The following FLG2 variants were observed in gnomAD, a reference collection of about 807,000 sequenced individuals.
FLG2 encodes the protein filaggrin 2.
Under a neutral mutation model 3.9 loss-of-function variants are expected in FLG2, and 7 were observed. That is an observed-to-expected ratio of 1.79 (90% CI 1.02 to 3.36). FLG2 has a LOEUF of 3.36. FLG2 is among the 30% of genes most tolerant of loss of function. FLG2 has a pLI of 0.00. For synonymous variants in FLG2, 1,031 were observed against 1,056.1 expected, an observed-to-expected ratio of 0.98 and a Z score of 0.46; for missense variants, 2,700 against 2,809.4, an observed-to-expected ratio of 0.96 and a Z score of 0.88.
In FLG2 at chr1:152,353,806, G is replaced by A; in HGVS notation, c.3980C>T (p.Ser1327Phe). Residue 1327 changes from serine (S) to phenylalanine (F), a missense_variant, in exon 3 of 3, where the codon TCT becomes TTT. By Grantham distance (155) the Ser-to-Phe change is radical. Coordinates refer to ENST00000388718, the MANE Select transcript of FLG2 (RefSeq NM_001014342.3). ...TGTCTGTGTAGACTGTCCATGACCA[G>A]AATGGCCATGTCTAGTGGTATCTCC... ...QRGDTTRHGH[S>F]GHGQSTQTGS... 1.2e-6 allele frequency: 2 copies of A among 1,613,352 alleles called. No individual in the cohort carries two copies. The highest frequency in any genetic ancestry group is 1.7e-6 in the Non-Finnish European group (2 of 1,179,592).
rs751894805 is a variant in FLG2, at chr1:152,353,717, A to C, written c.4069T>G (p.Ser1357Ala). The C allele has an allele frequency of 6.2e-6, 10 of 1,614,102 alleles. No homozygotes were observed. In the East Asian group the frequency reaches 2.2e-4, roughly 36 times the overall value. ...HSDATDSEVH[S>A]GVSHRPHSQE... ...GAGTGTGGTCTATGTGAGACCCCTG[A>C]GTGCACTTCACTGTCAGTGGCATCA... The change falls in exon 3 of 3, where the codon TCA (serine) becomes GCA (alanine). Residue 1357 changes from serine (S) to alanine (A), a missense_variant. Coordinates refer to ENST00000388718, the MANE Select transcript of FLG2 (RefSeq NM_001014342.3).
chr1:152,354,153 G>A lies in FLG2; in HGVS notation c.3633C>T (p.Gly1211=). 1 of 1,614,236 alleles carries A rather than the reference G, an allele frequency of 6.2e-7. No individual in the cohort carries two copies. Residue 1211 remains glycine, a synonymous_variant, in exon 3 of 3, where the codon GGC becomes GGT. Transcript: ENST00000388718. ...QSTGFGQYGS[G]SGQSTGLGQG... is the part of the protein sequence containing the mutation. Reference sequence around the variant, plus strand: ...GGCCCAAGCCAGTTGATTGACCTGAGCCTGAACCATATTGGCCAAATCCAG... The same window carrying A: ...GGCCCAAGCCAGTTGATTGACCTGAACCTGAACCATATTGGCCAAATCCAG...
In FLG2 at chr1:152,356,332, C is replaced by A. The variant is rs1654230443; in HGVS notation, c.1454G>T (p.Gly485Val). The change falls in exon 3 of 3, where the codon GGC becomes GTC. Residue 485 changes from glycine to valine, a missense_variant. Transcript: ENST00000388718. ...TCCAAAGCCAGAGGACTGACCTGAGCCAGACCCATGTTGTCCAAAGCCAGA... is the reference window on the plus strand; with the variant it reads ...TCCAAAGCCAGAGGACTGACCTGAGACAGACCCATGTTGTCCAAAGCCAGA... ...KTSGFGQHGS[G>V]SGQSSGFGQC... The A allele has an allele frequency of 6.2e-7, 1 of 1,614,200 alleles. No individual in the cohort carries two copies. The highest frequency in any genetic ancestry group is 8.5e-7 in the Non-Finnish European group (1 of 1,180,034).
rs79507400 is a variant in FLG2 at position 152,349,774 on chromosome 1, G to A, written c.*836C>T. The A allele has an allele frequency of 9.2e-3, 1,407 of 152,714 alleles. 57 individuals carry two copies. Among genetic ancestry groups the A allele is most frequent in the East Asian group, 0.088 (454 of 5,168 alleles). 9.5% of individuals were successfully genotyped at this position (152,714 alleles called of 1,614,324 possible). On this transcript the variant is annotated 3_prime_UTR_variant, in exon 3 of 3. Transcript: ENST00000388718. ...CTGTTCTTTCCTTTGTATGGTAACC[G>A]CTGGCCTCAGAGCCTCTTTGTTTTT...
Position 152,357,389 on chromosome 1 carries a change from T to C in FLG2, c.397A>G (p.Ser133Gly), listed in dbSNP as rs1336090540. 7 of 1,614,048 alleles carry C rather than the reference T, an allele frequency of 4.3e-6. No homozygotes were observed. The highest frequency in any genetic ancestry group is 5.9e-6 in the Non-Finnish European group (7 of 1,180,044). ...PGHKSGYRHS[S>G]WSEGEEHGYS... ...CCATGCTCCTCTCCCTCACTCCAACTTGAATGTCTGTAACCTGATTTATGT... is the reference window on the plus strand; with the variant it reads ...CCATGCTCCTCTCCCTCACTCCAACCTGAATGTCTGTAACCTGATTTATGT... Residue 133 changes from serine (S) to glycine (G), a missense_variant, in exon 3 of 3, where the codon AGT becomes GGT. Ser to Gly is a moderately conservative substitution (Grantham distance 56). Coordinates refer to ENST00000388718, the MANE Select transcript of FLG2 (RefSeq NM_001014342.3).
Position 152,357,256 on chromosome 1 carries a change from G to A in FLG2, c.530C>T (p.Ser177Phe), listed in dbSNP as rs757559187. Residue 177 changes from serine (S) to phenylalanine (F), a missense_variant, in exon 3 of 3, where the codon TCT (serine) becomes TTT (phenylalanine). Transcript: ENST00000388718. ...GCTGGACCTGTGGTATCTTTTCTGAGATCCCTCTTGGTTCCCAGAGCTGGA... is the reference window on the plus strand; with the variant it reads ...GCTGGACCTGTGGTATCTTTTCTGAAATCCCTCTTGGTTCCCAGAGCTGGA... ...NLSSSGNQEG[S>F]QKRYHRSSCG... 7.4e-6 allele frequency: 12 copies of A among 1,614,020 alleles called. No homozygotes were observed. In the East Asian group the frequency reaches 2.7e-4, roughly 36 times the overall value.
chr1:152,357,243 G>A lies in FLG2; in HGVS notation c.543C>T (p.Tyr181=), dbSNP rs1222971138. Residue 181 remains tyrosine (Y), a synonymous_variant, in exon 3 of 3, where the codon TAC becomes TAT. Transcript: ENST00000388718. ...ATGAATGACCACAGCTGGACCTGTG[G>A]TATCTTTTCTGAGATCCCTCTTGGT... is the stretch of plus-strand genomic sequence containing the variant. ...SGNQEGSQKR[Y]HRSSCGHSWS... is the part of the protein sequence containing the mutation. The A allele has an allele frequency of 6.2e-7, 1 of 1,614,168 alleles. No individual in the cohort carries two copies.
At position 152,354,860 on chromosome 1, in the gene FLG2, G is replaced by T; in HGVS notation, c.2926C>A (p.Gln976Lys). The change falls in exon 3 of 3, where the codon CAA becomes AAA. Residue 976 changes from glutamine to lysine, a missense_variant. Physicochemically the swap from Gln to Lys is moderately conservative, Grantham distance 53. Transcript: ENST00000388718. ...GATTTTCCTGAGCCTGACTCATGTTGTCCAAAGCCAGAGGACTGACCTGAG... is the reference window on the plus strand; with the variant it reads ...GATTTTCCTGAGCCTGACTCATGTTTTCCAAAGCCAGAGGACTGACCTGAG... ...SGSGQSSGFG[Q>K]HESGSGKSSG... is the part of the protein sequence containing the mutation. The T allele has an allele frequency of 6.2e-7, 1 of 1,613,804 alleles. No individual in the cohort carries two copies. Among genetic ancestry groups the T allele is most frequent in the Non-Finnish European group, 8.5e-7 (1 of 1,179,986 alleles).
rs773281253 is a variant in FLG2, at chr1:152,355,012, T to C, written c.2774A>G (p.His925Arg). The C allele has an allele frequency of 2.0e-5, 32 of 1,574,646 alleles. 2 individuals carry two copies. The highest frequency in any genetic ancestry group is 2.7e-5 in the Non-Finnish European group (31 of 1,159,386). ...AGATGACTGACTTGAGCCAGAACCATGTTGGCCATAGCTAGACTGATGTGA... is the reference window on the plus strand; with the variant it reads ...AGATGACTGACTTGAGCCAGAACCACGTTGGCCATAGCTAGACTGATGTGA... ...SRSHQSSYGQ[H>R]GSGSSQSSGY... Residue 925 changes from histidine (H) to arginine (R), a missense_variant, in exon 3 of 3, where the codon CAT (histidine) becomes CGT (arginine). Physicochemically the swap from His to Arg is conservative, Grantham distance 29 (BLOSUM62 0). Transcript: ENST00000388718.
Position 152,357,053 on chromosome 1 carries a change from C to T in FLG2, c.733G>A (p.Glu245Lys), listed in dbSNP as rs76285340. 1,121 of 1,614,216 alleles carry T rather than the reference C, an allele frequency of 6.9e-4. 29 individuals are homozygous for T. In the East Asian group the frequency reaches 0.015, roughly 21 times the overall value. ...GAGTTTGATTCATGCCCACTAGTCT[C>T]CAATCCACATGACAGACCACCATGA... is the stretch of plus-strand genomic sequence containing the variant. ...KGHGGLSCGLETSGHESNSTQ... is the reference protein window; with the variant it reads ...KGHGGLSCGLKTSGHESNSTQ... Residue 245 changes from glutamate to lysine, a missense_variant, in exon 3 of 3, where the codon GAG (glutamate) becomes AAG (lysine). Transcript: ENST00000388718.
At position 152,354,887 on chromosome 1, in the gene FLG2, C is replaced by T. The variant is rs564739365; in HGVS notation, c.2899G>A (p.Gly967Ser). 1.5e-5 allele frequency: 24 copies of T among 1,613,714 alleles called. No homozygotes were observed. In the Admixed American group the frequency reaches 1.7e-4, roughly 11 times the overall value. The change falls in exon 3 of 3, where the codon GGC becomes AGC. Residue 967 changes from glycine (G) to serine (S), a missense_variant. By Grantham distance (56) the Gly-to-Ser change is moderately conservative. Transcript: ENST00000388718. ...CCAAAGCCAGAGGACTGACCTGAGC[C>T]TGATCCATGTTGGCCAAAGCCAGAG... ...QSSGFGQHGS[G>S]SGQSSGFGQH...
chr1:152,350,437 A>T lies in FLG2; in HGVS notation c.*173T>A. 1.2e-6 allele frequency: 1 copy of T among 805,210 alleles called. No individual in the cohort carries two copies. Among genetic ancestry groups the T allele is most frequent in the Non-Finnish European group, 1.9e-6 (1 of 524,744 alleles). 49.9% of individuals were successfully genotyped at this position (805,210 alleles called of 1,614,324 possible). A position where few individuals can be genotyped will look rare whatever the true frequency, so the allele number is the denominator to read the frequency against. ...GGTGTTGTTTGACTGTTTATGAGTT[A>T]CTATAGAATGTCCATGACTAGATTC... is the stretch of plus-strand genomic sequence containing the variant. On this transcript the variant is annotated 3_prime_UTR_variant, in exon 3 of 3. Transcript: ENST00000388718.
At position 152,350,442 on chromosome 1, in the gene FLG2, A is replaced by T; in HGVS notation, c.*168T>A. The T allele has an allele frequency of 1.2e-6, 1 of 850,450 alleles. No homozygotes were observed. The highest frequency in any genetic ancestry group is 1.8e-6 in the Non-Finnish European group (1 of 565,604). The allele number at this position is 850,450 out of a possible 1,614,324, so 52.7% of individuals were successfully genotyped here. On this transcript the variant is annotated 3_prime_UTR_variant, in exon 3 of 3. Transcript: ENST00000388718. ...TGTTTGACTGTTTATGAGTTACTATAGAATGTCCATGACTAGATTCCTGAC... is the reference window on the plus strand; with the variant it reads ...TGTTTGACTGTTTATGAGTTACTATTGAATGTCCATGACTAGATTCCTGAC...
At position 152,348,815 on chromosome 1, in the gene FLG2, A is replaced by C. The variant is rs989933412; in HGVS notation, c.*1795T>G. 3.3e-5 allele frequency: 5 copies of C among 152,222 alleles called. No homozygotes were observed. Among genetic ancestry groups the C allele is most frequent in the Non-Finnish European group, 7.3e-5 (5 of 68,040 alleles). 9.4% of individuals were successfully genotyped at this position (152,222 alleles called of 1,614,324 possible). A position where few individuals can be genotyped will look rare whatever the true frequency, so the allele number is the denominator to read the frequency against. ...CTATATCCAGAAGGCCATGACAATAAATTTAAATATAATTGTACAGAATTC... is the reference window on the plus strand; with the variant it reads ...CTATATCCAGAAGGCCATGACAATACATTTAAATATAATTGTACAGAATTC... On this transcript the variant is annotated 3_prime_UTR_variant, in exon 3 of 3. Transcript: ENST00000388718.
chr1:152,357,295 C>G lies in FLG2; in HGVS notation c.491G>C (p.Arg164Thr). 1 of 1,614,190 alleles carries G rather than the reference C, an allele frequency of 6.2e-7. No homozygotes were observed. The highest frequency in any genetic ancestry group is 8.5e-7 in the Non-Finnish European group (1 of 1,180,026). ...RHGSNSRRLG[R>T]QGNLSSSGNQ... is the part of the protein sequence containing the mutation. ...CCCAGAGCTGGATAAATTACCTTGT[C>G]TTCCTAGCCTCCTGGAGTTGGACCC... Residue 164 changes from arginine (R) to threonine (T), a missense_variant, in exon 3 of 3, where the codon AGA becomes ACA. Arg to Thr is a moderately conservative substitution (Grantham distance 71, BLOSUM62 -1). Coordinates refer to ENST00000388718, the MANE Select transcript of FLG2 (RefSeq NM_001014342.3).
chr1:152,351,559 G>C lies in FLG2; in HGVS notation c.6227C>G (p.Thr2076Arg). ...GTGAGCATGTCTAGTGGTATCTCCT[G>C]TCTGTCCATGAGTAGTTCCGTGTCT... ...HERHGTTHGQ[T>R]GDTTRHAHSG... Residue 2076 changes from threonine (T) to arginine (R), a missense_variant, in exon 3 of 3, where the codon ACA (threonine) becomes AGA (arginine). Transcript: ENST00000388718. The C allele has an allele frequency of 6.2e-6, 10 of 1,612,286 alleles. No homozygotes were observed. Among genetic ancestry groups the C allele is most frequent in the Non-Finnish European group, 8.5e-6 (10 of 1,179,650 alleles).
In FLG2 at chr1:152,350,769, T is replaced by C. The variant is rs376710514; in HGVS notation, c.7017A>G (p.Gly2339=). 2 of 1,614,126 alleles carry C rather than the reference T, an allele frequency of 1.2e-6. No homozygotes were observed. Among genetic ancestry groups the C allele is most frequent in the Non-Finnish European group, 1.7e-6 (2 of 1,180,062 alleles). Residue 2339 remains glycine (G), a synonymous_variant, in exon 3 of 3, where the codon GGA becomes GGG. Coordinates refer to ENST00000388718, the MANE Select transcript of FLG2 (RefSeq NM_001014342.3). ...TGCCATGTTTCCAAACCTGACTTGATCCATGCCTTTGCCTTTCACTACTAT... is the reference window on the plus strand; with the variant it reads ...TGCCATGTTTCCAAACCTGACTTGACCCATGCCTTTGCCTTTCACTACTAT... ...QSHSSERQRH[G]SSQVWKHGSY...
Position 152,357,357 on chromosome 1 carries a change from A to G in FLG2, c.429T>C (p.Ser143=). The G allele has an allele frequency of 2.5e-6, 4 of 1,614,048 alleles. No homozygotes were observed. Among genetic ancestry groups the G allele is most frequent in the Non-Finnish European group, 3.4e-6 (4 of 1,180,008 alleles). The change falls in exon 3 of 3, where the codon AGT becomes AGC. Residue 143 remains serine (S), a synonymous_variant. Coordinates refer to ENST00000388718, the MANE Select transcript of FLG2 (RefSeq NM_001014342.3). ...SWSEGEEHGY[S]SGHSRGTVKC... is the part of the protein sequence containing the mutation. ...TCACAGTTCCCCTTGAGTGCCCAGA[A>G]CTATATCCATGCTCCTCTCCCTCAC...
chr1:152,356,455 T>A lies in FLG2; in HGVS notation c.1331A>T (p.Gln444Leu). 2 of 1,614,264 alleles carry A rather than the reference T, an allele frequency of 1.2e-6. No homozygotes were observed. Among genetic ancestry groups the A allele is most frequent in the Non-Finnish European group, 1.7e-6 (2 of 1,180,044 alleles). ...TGLSQSSGFE[Q>L]HVCGSGQTCG... Reference sequence around the variant, plus strand: ...AGTTTGACCTGAGCCACATACATGTTGTTCGAACCCAGAGGACTGACTCAA... The same window carrying A: ...AGTTTGACCTGAGCCACATACATGTAGTTCGAACCCAGAGGACTGACTCAA... Residue 444 changes from glutamine to leucine, a missense_variant, in exon 3 of 3, where the codon CAA becomes CTA. Coordinates refer to ENST00000388718, the MANE Select transcript of FLG2 (RefSeq NM_001014342.3).
Sources: gnomAD v4.1 joint callset for allele counts on GRCh38, gnomAD v4.1.1 for gene constraint, MANE v1.5 for transcripts, NCBI Gene and HGNC (gene_info 2026-07-23, HGNC 2026-07-21) for gene names.